Variants in SMC1A observed in about 807,000 individuals in gnomAD.
SMC1A encodes structural maintenance of chromosomes 1A.
In SMC1A, 4 loss-of-function variants were observed where a neutral mutation model predicts 94.5. The observed-to-expected ratio is 0.04, with a 90% CI of 0.02 to 0.10. SMC1A has a LOEUF of 0.10. Among genes scored for constraint, SMC1A ranks in the 10% least tolerant of loss-of-function variants. The pLI, the probability that SMC1A is intolerant of heterozygous loss-of-function variation, is 1.00. For missense variants in SMC1A, 304 were observed against 989.0 expected (o/e 0.31, Z 9.29); for synonymous variants, 345 against 347.7 (o/e 0.99, Z 0.09).
intron 1 of SMC1A, among the ~76,000 whole-genome samples, chrX:53,415,963 A>G (rs1556891236): frequency 9.0e-6 from 1 of 111,638 alleles, no homozygotes; most frequent in Admixed American, 9.6e-5. Flanking sequence ...ACAAAAGCCC[A>G]CAATAGGTGA....
In SMC1A at chrX:53,388,298, C is replaced by T. The variant is rs781947152; in HGVS notation, c.2974-5045G>A. ...AGTAGCCACATGTGGCTACTTAGCA[C>T]GTGATATTTGGCTAGTGCAACTGAG... On this transcript the variant is annotated intron_variant, in intron 19 of 24. Transcript: ENST00000322213. Among the ~76,000 whole-genome samples, 287 of 111,070 alleles carry T rather than the reference C, an allele frequency of 2.6e-3. 1 individual carries two copies. The highest frequency in any genetic ancestry group is 8.4e-3 in the African/African-American group (257 of 30,522).
chrX:53,410,985 C>T (rs782569262), intron 7 of SMC1A, among the ~76,000 whole-genome samples: 1 of 89,959 alleles, frequency 1.1e-5, no homozygotes, highest in East Asian at 3.8e-4. Flanking sequence ...ATGCTGGATA[C>T]TCAGGAGGCT....
At chrX:53,391,961 C>T (rs1468900478) in intron 19 of SMC1A, among the ~76,000 whole-genome samples, 4 of 110,311 alleles carry the variant, frequency 3.6e-5, no homozygotes, top group African/African-American at 6.6e-5. Flanking sequence ...GACAAGTAGG[C>T]GTGACAAGAG....
intron 1 of SMC1A, among the ~76,000 whole-genome samples, chrX:53,416,148 C>A (rs1225978115): frequency 4.8e-5 from 5 of 104,957 alleles, no homozygotes; most frequent in Admixed American, 4.1e-4. Flanking sequence ...CTAAAAAATA[C>A]AAAACTTAGC....
intron 1 of SMC1A, among the ~76,000 whole-genome samples, chrX:53,415,425 C>T (rs2075727888): frequency 9.0e-6 from 1 of 110,994 alleles, no homozygotes; most frequent in African/African-American, 3.3e-5. Flanking sequence ...TAGTGACTCA[C>T]ACCTGTAATC....
chrX:53,415,192 G>A (rs1293754166), intron 1 of SMC1A, 23 bp from the exon 2 acceptor site: 14 of 1,166,804 alleles, frequency 1.2e-5, no homozygotes, highest in Non-Finnish European at 1.6e-5. Flanking sequence ...GGACGAGGCA[G>A]TAGAGGGAAA....
chrX:53,422,326 C>A (rs1231306091), intron 1 of SMC1A, among the ~76,000 whole-genome samples, 166 bp downstream of exon 1: 1 of 112,151 alleles, frequency 8.9e-6, no homozygotes, highest in Non-Finnish European at 1.9e-5. Context: ...CGAGTTAGAG[C>A]ACCCGCGCGG....
intron 11 of SMC1A, 29 bp from the exon 12 acceptor site, chrX:53,405,420 G>T (rs1556889549): frequency 1.7e-6 from 2 of 1,211,135 alleles, no homozygotes; most frequent in Non-Finnish European, 2.2e-6. Flanking sequence ...AGAGAGAAGA[G>T]GGGGAGAAGC....
At chrX:53,411,387 C>T (rs1417080057) in intron 7 of SMC1A, among the ~76,000 whole-genome samples, 2 of 110,155 alleles carry the variant, frequency 1.8e-5, no homozygotes, top group Non-Finnish European at 3.8e-5. Flanking sequence ...GTCAGGAGCT[C>T]GAGACCAGCC....
intron 1 of SMC1A, among the ~76,000 whole-genome samples, chrX:53,415,831 T>A (rs1204235329): frequency 1.1e-4 from 9 of 85,614 alleles, no homozygotes; most frequent in Admixed American, 1.4e-4. Flanking sequence ...AGACTCTCTT[T>A]AAAAAAATAG....
In SMC1A at chrX:53,380,051, T is replaced by G. The variant is rs2075576045; in HGVS notation, c.*52A>C. The G allele has an allele frequency of 3.4e-6, 3 of 886,254 alleles. No individual in the cohort carries two copies. The highest frequency in any genetic ancestry group is 2.8e-4 in the Middle Eastern group (1 of 3,551). The allele number at this position is 886,254 out of a possible 1,213,427, so 73.0% of individuals were successfully genotyped here. On this transcript the variant is annotated 3_prime_UTR_variant, in exon 25 of 25. Coordinates refer to ENST00000322213, the MANE Select transcript of SMC1A (RefSeq NM_006306.4). ...GGTTGGGAGTCAAATATCCAGAGATTGGGAGAGGGACAGCTTAGGGATCCA... is the reference window on the plus strand; with the variant it reads ...GGTTGGGAGTCAAATATCCAGAGATGGGGAGAGGGACAGCTTAGGGATCCA...
chrX:53,422,120 G>A (rs1399760747), intron 1 of SMC1A: 14 of 1,072,774 alleles, frequency 1.3e-5, no homozygotes, highest in Non-Finnish European at 1.6e-5. Context: ...AGGGGGTCAA[G>A]TAAGGCTGGG....
Position 53,412,958 on chromosome X carries a change from T to C in SMC1A, c.796A>G (p.Lys266Glu). Residue 266 changes from lysine to glutamate, a missense_variant, in exon 5 of 25, where the codon AAG becomes GAG. This residue lies in a region of SMC1A where 120 missense variants were observed against 314.9 expected (regional missense o/e 0.38). Coordinates refer to ENST00000322213, the MANE Select transcript of SMC1A (RefSeq NM_006306.4). ...MDKVEDELKE[K>E]KKELGKMMRE... Reference sequence around the variant, plus strand: ...ATCATTTTGCCCAGCTCCTTCTTCTTCTCCTTCAGTTCATCCTCCACCTTG... The same window carrying C: ...ATCATTTTGCCCAGCTCCTTCTTCTCCTCCTTCAGTTCATCCTCCACCTTG... 1 of 1,191,985 alleles carries C rather than the reference T, an allele frequency of 8.4e-7. No individual in the cohort carries two copies. The highest frequency in any genetic ancestry group is 1.1e-6 in the Non-Finnish European group (1 of 878,134).
chrX:53,380,291 G>T (rs2075577112), intron 24 of SMC1A, 105 bp from the exon 25 acceptor site: 1 of 573,354 alleles, frequency 1.7e-6, no homozygotes, highest in African/African-American at 2.2e-5. Flanking sequence ...CTACATACCT[G>T]CCCAAAGCCC....
At chrX:53,395,028 G>T in intron 18 of SMC1A, 140 bp from the exon 19 acceptor site, 1 of 502,029 alleles carries the variant, frequency 2.0e-6, no homozygotes, top group Admixed American at 2.7e-5. Context: ...GGCTTTGCAG[G>T]CAGAATGACT....
In SMC1A at chrX:53,378,915, T is replaced by C. The variant is rs1441537571; in HGVS notation, c.*1188A>G. ...CAGGCACCCGGTTACCAGACATGATTGAAGCTACAGGTTTCCTCAGGCCCT... is the reference window on the plus strand; with the variant it reads ...CAGGCACCCGGTTACCAGACATGATCGAAGCTACAGGTTTCCTCAGGCCCT... On this transcript the variant is annotated 3_prime_UTR_variant, in exon 25 of 25. Transcript: ENST00000322213. The C allele has an allele frequency of 9.0e-6, 1 of 111,704 alleles. No homozygotes were observed. Among genetic ancestry groups the C allele is most frequent in the African/African-American group, 3.3e-5 (1 of 30,719 alleles). The allele number at this position is 111,704 out of a possible 1,213,427, so 9.2% of individuals were successfully genotyped here. A position where few individuals can be genotyped will look rare whatever the true frequency, so the allele number is the denominator to read the frequency against.
At chrX:53,413,799 G>A (rs782064090) in intron 3 of SMC1A, among the ~76,000 whole-genome samples, 2 of 111,332 alleles carry the variant, frequency 1.8e-5, no homozygotes, top group East Asian at 2.8e-4. Context: ...AAAGGTGGCC[G>A]GGCGCGGTGG....
chrX:53,416,977 G>A (rs1556891382), intron 1 of SMC1A, among the ~76,000 whole-genome samples: 1 of 106,492 alleles, frequency 9.4e-6, no homozygotes, highest in Non-Finnish European at 1.9e-5. Context: ...ATAAAGACAA[G>A]GTCTCGCTGT....
chrX:53,394,731 T>TGCCCCCC, intron 19 of SMC1A, 47 bp downstream of exon 19: 1 of 416,227 alleles, frequency 2.4e-6, no homozygotes, highest in East Asian at 4.6e-5. Context: ...ATAGTCCCAC[T>TGCCCCCC]CCCACCCAAC....
Sources: allele counts gnomAD v4.1 joint callset (sites outside exome capture counted in the v4.1 genomes callset), GRCh38; gene constraint gnomAD v4.1.1; regional missense constraint gnomAD v4.1.1; transcripts MANE v1.5; gene names NCBI Gene and HGNC (gene_info 2026-07-23, HGNC 2026-07-21).